MYO9B: variants seen among roughly 807,000 people sequenced by gnomAD.
MYO9B encodes myosin IXB, also known as unconventional myosin-IXb.
Under a neutral mutation model 229.5 loss-of-function variants are expected in MYO9B, and 71 were observed. The observed-to-expected ratio is 0.31, with a 90% CI of 0.26 to 0.38. The LOEUF (loss-of-function observed/expected upper bound fraction) is 0.38. Ranked by LOEUF, MYO9B falls within the 10% of genes least tolerant of loss-of-function variation. The pLI is 1.00. For missense variants in MYO9B, 2,255 were observed against 2,920.5 expected, an observed-to-expected ratio of 0.77 and a Z score of 5.25; for synonymous variants, 1,185 against 1,235.8, an observed-to-expected ratio of 0.96 and a Z score of 0.86.
intron 3 of MYO9B, among the ~76,000 whole-genome samples, chr19:17,147,193 C>A (rs1384756098): frequency 6.6e-6 from 1 of 152,214 alleles, no homozygotes; most frequent in Non-Finnish European, 1.5e-5. Flanking sequence ...GTCTTCCAGG[C>A]CCTGACCTCT....
At chr19:17,084,747 C>T (rs2057566830) in intron 1 of MYO9B, among the ~76,000 whole-genome samples, 2 of 150,608 alleles carry the variant, frequency 1.3e-5, no homozygotes, top group African/African-American at 4.9e-5. Flanking sequence ...AACACACACA[C>T]ACACAAAATT....
rs577069970 is a variant in MYO9B at position 17,160,452 on chromosome 19, G to A, written c.1419+968G>A. The stretch of plus-strand genomic sequence containing the variant: ...TCTGTCAGAGCTGAGACCTGAATAT[G>A]TGGGGAAAAAAGCCAATTTATTCCA... On this transcript the variant is annotated intron_variant, in intron 8 of 39. Coordinates refer to ENST00000682292, the MANE Select transcript of MYO9B (RefSeq NM_004145.4). Among the ~76,000 whole-genome samples, 5 of 151,590 alleles carry A rather than the reference G, an allele frequency of 3.3e-5. No individual in the cohort carries two copies. The East Asian group carries it at 9.7e-4, about 29-fold the overall frequency.
In MYO9B at chr19:17,195,107, T is replaced by C; in HGVS notation, c.3680T>C (p.Val1227Ala). The change falls in exon 22 of 40, where the codon GTT (valine) becomes GCT (alanine). Residue 1227 changes from valine to alanine, a missense_variant. Physicochemically the swap from Val to Ala is moderately conservative, Grantham distance 64 (BLOSUM62 0). This residue lies in a region of MYO9B where 679 missense variants were observed against 770.2 expected (regional missense o/e 0.88). Transcript: ENST00000682292. This position sits in a 1 kb window ranked among gnomAD's most constrained non-coding sequence, Gnocchi z 4.5. ...QPTEQPQAMA[V>A]GKVSEETEKT... is the part of the protein sequence containing the mutation. ...ACAGAGCAACCCCAGGCCATGGCAG[T>C]TGGCAAGGTCTCTGAAGAAACTGAG... 6.2e-7 allele frequency: 1 copy of C among 1,612,576 alleles called. No individual in the cohort carries two copies. Among genetic ancestry groups the C allele is most frequent in the South Asian group, 1.1e-5 (1 of 91,052 alleles).
rs577545120 is a variant in MYO9B, at chr19:17,179,901, AAAAAAAATAAAAT to A, written c.2220-1020_2220-1008del. Among the ~76,000 whole-genome samples the A allele has an allele frequency of 1.6e-3, 233 of 146,890 alleles. 1 individual carries two copies. Among genetic ancestry groups the A allele is most frequent in the African/African-American group, 5.6e-3 (220 of 39,588 alleles). ...GCAACAGAGCAAGACACTGTTTCCA[AAAAAAAATAAAAT>A]AAAAATAAAAATAAATTTAAAACTA... On this transcript the variant is annotated intron_variant, in intron 14 of 39. Transcript: ENST00000682292.
In MYO9B at chr19:17,193,658, G is replaced by T. The variant is rs1327965862; in HGVS notation, c.3128+596G>T. 6.6e-6 allele frequency among the ~76,000 whole-genome samples: 1 copy of T among 151,980 alleles called. No homozygotes were observed. Among genetic ancestry groups the T allele is most frequent in the African/African-American group, 2.4e-5 (1 of 41,356 alleles). On this transcript the variant is annotated intron_variant, in intron 21 of 39. Transcript: ENST00000682292. The surrounding 1 kb of genome is among the most constrained non-coding windows in gnomAD (Gnocchi z 4.3). ...TTTGGGAGGCCTAGATGGGAAGATC[G>T]CTTGAGCACAGGAGTTCAAGACCAG...
At position 17,102,252 on chromosome 19, in the gene MYO9B, G is replaced by A. The variant is rs749456494; in HGVS notation, c.535G>A (p.Ala179Thr). ...RFLQQKIYTY[A>T]GSILVAINPF... ...CCTGCAACAAAAGATCTACACGTAC[G>A]CGGGGAGCATCCTGGTGGCCATCAA... Residue 179 changes from alanine to threonine, a missense_variant, in exon 2 of 40, where the codon GCG becomes ACG. This residue lies in a region of MYO9B where 386 missense variants were observed against 515.2 expected (regional missense o/e 0.75). Coordinates refer to ENST00000682292, the MANE Select transcript of MYO9B (RefSeq NM_004145.4). 9.3e-6 allele frequency: 15 copies of A among 1,613,888 alleles called. No individual in the cohort carries two copies. Among genetic ancestry groups the A allele is most frequent in the East Asian group, 4.5e-5 (2 of 44,892 alleles).
At chr19:17,118,833 T>C (rs1025429389) in intron 2 of MYO9B, among the ~76,000 whole-genome samples, 2 of 152,018 alleles carry the variant, frequency 1.3e-5, no homozygotes, top group Non-Finnish European at 2.9e-5. Context: ...ACCACCTGTG[T>C]GGAGGGAGCT....
At chr19:17,097,101 C>T (rs112853011) in intron 1 of MYO9B, among the ~76,000 whole-genome samples, 3,964 of 151,688 alleles carry the variant, frequency 0.026, 181 homozygotes, top group African/African-American at 0.092. Flanking sequence ...GTCAGGAGTT[C>T]GAGACCAGCC....
rs1325450124 is a variant in MYO9B, at chr19:17,101,057, C to T, written c.-58-603C>T. 6.8e-6 allele frequency among the ~76,000 whole-genome samples: 1 copy of T among 148,086 alleles called. No homozygotes were observed. Among genetic ancestry groups the T allele is most frequent in the Non-Finnish European group, 1.5e-5 (1 of 67,318 alleles). ...GGGCATAGCAGAAAGAGGGTCATGG[C>T]TTGTTGGGCTTCAGGATTGAGAGGC... On this transcript the variant is annotated intron_variant, in intron 1 of 39. Coordinates refer to ENST00000682292, the MANE Select transcript of MYO9B (RefSeq NM_004145.4). The surrounding 1 kb of genome is among the most constrained non-coding windows in gnomAD (Gnocchi z 4.7).
rs142353832 is a variant in MYO9B, at chr19:17,136,885, A to G, written c.841-8512A>G. 1.2e-3 allele frequency among the ~76,000 whole-genome samples: 176 copies of G among 152,260 alleles called. 2 individuals carry two copies. Among genetic ancestry groups the G allele is most frequent in the African/African-American group, 4.1e-3 (170 of 41,548 alleles). ...GATGGAAGGATTGCTTGAGTCCAGG[A>G]GCCCCAGACCAACCTGGGTAACACA... On this transcript the variant is annotated intron_variant, in intron 2 of 39. Coordinates refer to ENST00000682292, the MANE Select transcript of MYO9B (RefSeq NM_004145.4).
chr19:17,091,639 A>G (rs974524028), intron 1 of MYO9B, among the ~76,000 whole-genome samples: 7 of 152,134 alleles, frequency 4.6e-5, no homozygotes, highest in African/African-American at 1.7e-4. Context: ...CCATGGTCCC[A>G]CCTGTGGGAG....
chr19:17,178,802 C>T (rs951914358), intron 14 of MYO9B, among the ~76,000 whole-genome samples: 4 of 151,916 alleles, frequency 2.6e-5, no homozygotes, highest in Non-Finnish European at 5.9e-5. Context: ...GGGAGGCATA[C>T]GTGGGCAGGT....
intron 2 of MYO9B, among the ~76,000 whole-genome samples, chr19:17,105,964 T>G: frequency 6.6e-6 from 1 of 150,670 alleles, no homozygotes; most frequent in South Asian, 2.1e-4. Flanking sequence ...TCCTTTCCCA[T>G]CCCCTCCCCT....
At chr19:17,117,937 CAAAAAAAAAA>C (rs567862829) in intron 2 of MYO9B, among the ~76,000 whole-genome samples, 3 of 91,384 alleles carry the variant, frequency 3.3e-5, no homozygotes, top group South Asian at 3.7e-4. Flanking sequence ...CACTCTTCCT[CAAAAAAAAAA>C]AAAAAAAAAA....
Position 17,206,019 on chromosome 19 carries a change from C to T in MYO9B, c.5124C>T (p.Asp1708=), listed in dbSNP as rs1323818396. Residue 1708 remains aspartate (D), a synonymous_variant, in exon 32 of 40, where the codon GAC becomes GAT. Coordinates refer to ENST00000682292, the MANE Select transcript of MYO9B (RefSeq NM_004145.4). ...TGTGCGTAGACAGCCTGACCAGCGA[C>T]AAGGCCTCGGTGCCCATCGTGCTGG... ...FGVCVDSLTS[D]KASVPIVLEK... 5.6e-6 allele frequency: 9 copies of T among 1,606,770 alleles called. No homozygotes were observed. In the East Asian group the frequency reaches 1.8e-4, roughly 32 times the overall value.
intron 38 of MYO9B, 110 bp from the exon 39 acceptor site, chr19:17,211,537 A>C: frequency 1.0e-6 from 1 of 981,510 alleles, no homozygotes; most frequent in South Asian, 1.8e-5. Flanking sequence ...GGGTGGGGGG[A>C]GGTTGGGGAC....
At chr19:17,097,956 CTT>C (rs1221099777) in intron 1 of MYO9B, among the ~76,000 whole-genome samples, 1 of 151,972 alleles carries the variant, frequency 6.6e-6, no homozygotes, top group Non-Finnish European at 1.5e-5. Flanking sequence ...TCCAGTAAAA[CTT>C]TATTTATAAA....
At chr19:17,169,140 G>A (rs921208664) in intron 11 of MYO9B, among the ~76,000 whole-genome samples, 3 of 152,108 alleles carry the variant, frequency 2.0e-5, no homozygotes, top group African/African-American at 7.2e-5. Context: ...GGGAGGCCGA[G>A]GCAGGCGGAT....
intron 2 of MYO9B, among the ~76,000 whole-genome samples, chr19:17,115,145 C>A (rs1007961187): frequency 6.6e-6 from 1 of 152,062 alleles, no homozygotes; most frequent in Non-Finnish European, 1.5e-5. Flanking sequence ...CGTGCCACCA[C>A]GCCAGCAAGG....
Sources: allele counts gnomAD v4.1 joint callset (sites outside exome capture counted in the v4.1 genomes callset), GRCh38; gene constraint gnomAD v4.1.1; regional missense constraint gnomAD v4.1.1; non-coding constraint Gnocchi (gnomAD v3.1); transcripts MANE v1.5; gene names NCBI Gene and HGNC (gene_info 2026-07-23, HGNC 2026-07-21).